MGAT4C: variants seen among roughly 807,000 people sequenced by gnomAD.
MGAT4C encodes the protein MGAT4 family member C.
A neutral mutation model predicts 40.1 loss-of-function variants in MGAT4C; 19 were observed. The observed-to-expected ratio is 0.47, with a 90% CI of 0.33 to 0.70. The LOEUF is 0.70. Among genes scored for constraint, MGAT4C ranks in the 30% least tolerant of loss-of-function variants. MGAT4C has a pLI of 0.02. For missense variants in MGAT4C, 491 were observed against 563.2 expected, an observed-to-expected ratio of 0.87 and a Z score of 1.30; for synonymous variants, 181 against 187.1, an observed-to-expected ratio of 0.97 and a Z score of 0.27.
intron 1 of MGAT4C, among the ~76,000 whole-genome samples, chr12:86,088,494 A>C (rs1430350942): frequency 6.6e-6 from 1 of 152,084 alleles, no homozygotes; most frequent in Non-Finnish European, 1.5e-5. Flanking sequence ...AAAGTCTAAT[A>C]TCTGGAATCT....
chr12:86,239,008 A>G (rs11829513), intron 1 of MGAT4C, among the ~76,000 whole-genome samples: 8,224 of 152,120 alleles, frequency 0.054, 753 homozygotes, highest in African/African-American at 0.19. Context: ...TTCTCCTTTT[A>G]TGATATTAAA....
At chr12:86,362,057 T>C (rs1352004100) in intron 3 of MGAT4C, among the ~76,000 whole-genome samples, 1 of 152,176 alleles carries the variant, frequency 6.6e-6, no homozygotes, top group Non-Finnish European at 1.5e-5. Context: ...TGTGGCACTA[T>C]TCACAATAGC....
intron 3 of MGAT4C, among the ~76,000 whole-genome samples, chr12:86,380,389 AC>A (rs1198167211): frequency 6.6e-6 from 1 of 152,132 alleles, no homozygotes. Flanking sequence ...TGAATTTGCC[AC>A]TTCGTGGTGT....
At chr12:86,642,553 G>A (rs998077042) in intron 2 of MGAT4C, among the ~76,000 whole-genome samples, 1 of 151,732 alleles carries the variant, frequency 6.6e-6, no homozygotes, top group African/African-American at 2.4e-5. Flanking sequence ...AGACTGAGAG[G>A]AGTTTGCAAA....
In MGAT4C at chr12:86,147,246, A is replaced by T. The variant is rs544132021; in HGVS notation, c.-56-97523T>A. Among the ~76,000 whole-genome samples, 513 of 148,186 alleles carry T rather than the reference A, an allele frequency of 3.5e-3. 3 individuals are homozygous for T. The highest frequency in any genetic ancestry group is 0.026 in the East Asian group (132 of 5,082). Reference sequence around the variant, plus strand: ...AAATAAGATAGCAGAAATTTATTAAATTTTTTTTTTTTTGAGACGTAGTCT... The same window carrying T: ...AAATAAGATAGCAGAAATTTATTAATTTTTTTTTTTTTTGAGACGTAGTCT... On this transcript the variant is annotated intron_variant, in intron 1 of 4. Transcript: ENST00000611864.
chr12:86,133,336 TTC>T (rs1418566643), intron 1 of MGAT4C, among the ~76,000 whole-genome samples: 1 of 152,362 alleles, frequency 6.6e-6, no homozygotes, highest in East Asian at 1.9e-4. Flanking sequence ...AGCACTTCAC[TTC>T]TTAAATGTCA....
intron 1 of MGAT4C, among the ~76,000 whole-genome samples, chr12:86,730,398 G>GAA (rs35322016): frequency 1.3e-5 from 2 of 151,748 alleles, no homozygotes; most frequent in East Asian, 1.9e-4. Flanking sequence ...AGGCACAGAA[G>GAA]AAAAAACATG....
At position 85,980,303 on chromosome 12, in the gene MGAT4C, T is replaced by C; in HGVS notation, c.423A>G (p.Leu141=). 6.2e-7 allele frequency: 1 copy of C among 1,613,996 alleles called. No homozygotes were observed. Among genetic ancestry groups the C allele is most frequent in the East Asian group, 2.2e-5 (1 of 44,870 alleles). ...CACGCCAGGAAGAATTAAAGTCTGC[T>C]AGGTGAACCACCACTGAAATTTCCT... The part of the protein sequence containing the change: ...ELKEISVVVH[L]ADFNSSWRDA... Residue 141 remains leucine (L), a synonymous_variant, in exon 5 of 5, where the codon CTA becomes CTG. Coordinates refer to ENST00000611864, the MANE Select transcript of MGAT4C (RefSeq NM_001351288.2).
rs566241713 is a variant in MGAT4C, at chr12:85,963,962, C to T, written c.*15327G>A. The T allele has an allele frequency of 6.6e-6, 1 of 151,828 alleles. No homozygotes were observed. The highest frequency in any genetic ancestry group is 2.1e-4 in the South Asian group (1 of 4,824). The allele number at this position is 151,828 out of a possible 1,614,324, so 9.4% of individuals were successfully genotyped here. ...AAATCATATTGGGTAAATAGTATCA[C>T]CCCAAAGTGATAGTCAAAAGTACCT... On this transcript the variant is annotated 3_prime_UTR_variant, in exon 5 of 5. Coordinates refer to ENST00000611864, the MANE Select transcript of MGAT4C (RefSeq NM_001351288.2).
chr12:86,357,219 G>A (rs1354111533), intron 3 of MGAT4C, among the ~76,000 whole-genome samples: 1 of 152,214 alleles, frequency 6.6e-6, no homozygotes, highest in East Asian at 1.9e-4. Context: ...AGGATCTGGA[G>A]TGGACCTCCA....
At chr12:86,784,945 A>G (rs1951907126) in intron 1 of MGAT4C, among the ~76,000 whole-genome samples, 1 of 152,028 alleles carries the variant, frequency 6.6e-6, no homozygotes, top group African/African-American at 2.4e-5. Flanking sequence ...TATCAGTTTC[A>G]TATCAGTAAT....
chr12:86,491,703 A>T (rs1424002217), intron 2 of MGAT4C, among the ~76,000 whole-genome samples: 1 of 151,222 alleles, frequency 6.6e-6, no homozygotes, highest in African/African-American at 2.4e-5. Flanking sequence ...TGAATGGGCA[A>T]AAACTGGAAG....
chr12:85,997,405 C>T (rs10863137), intron 2 of MGAT4C, among the ~76,000 whole-genome samples: 15,100 of 152,114 alleles, frequency 0.099, 993 homozygotes, highest in East Asian at 0.31. Context: ...AAAACAATCT[C>T]GCCTTCCCAA....
chr12:86,476,253 A>C (rs1037784640), intron 2 of MGAT4C, among the ~76,000 whole-genome samples: 1 of 152,150 alleles, frequency 6.6e-6, no homozygotes, highest in Non-Finnish European at 1.5e-5. Flanking sequence ...GCAAAATACA[A>C]ATAACCCCAT....
At chr12:86,660,090 C>A (rs750694510) in intron 2 of MGAT4C, among the ~76,000 whole-genome samples, 65 of 151,986 alleles carry the variant, frequency 4.3e-4, no homozygotes, top group Non-Finnish European at 7.8e-4. Flanking sequence ...ACAGATCAGA[C>A]AATGCATTAT....
chr12:86,782,326 C>T (rs927323197), intron 1 of MGAT4C, among the ~76,000 whole-genome samples: 3 of 150,872 alleles, frequency 2.0e-5, no homozygotes, highest in Admixed American at 6.6e-5. Context: ...GGACTACAGG[C>T]GCCCGCCACT....
In MGAT4C at chr12:86,576,182, AT is replaced by A; in HGVS notation, c.-228-140918del. ...GTATGTTTTTTGATTGGATTATTAG[AT>A]TTTTTTCCTCTAAATTTGTTTGAGC... On this transcript the variant is annotated intron_variant, in intron 2 of 7. Coordinates refer to the MGAT4C transcript ENST00000548651. 2.6e-5 allele frequency among the ~76,000 whole-genome samples: 4 copies of A among 151,694 alleles called. No homozygotes were observed. The South Asian group carries it at 8.3e-4, about 31-fold the overall frequency.
chr12:86,467,483 A>G (rs1957698389), intron 2 of MGAT4C, among the ~76,000 whole-genome samples: 2 of 152,168 alleles, frequency 1.3e-5, no homozygotes, highest in South Asian at 4.1e-4. Flanking sequence ...GGGCCTTTGT[A>G]ATAGCATCCA....
intron 1 of MGAT4C, among the ~76,000 whole-genome samples, chr12:86,769,739 A>T (rs1951593304): frequency 6.6e-6 from 1 of 152,068 alleles, no homozygotes; most frequent in African/African-American, 2.4e-5. Flanking sequence ...ATTGGAAATC[A>T]TCATTCTCAG....
Sources: gnomAD v4.1 joint callset for allele counts (sites outside exome capture counted in the v4.1 genomes callset) on GRCh38, gnomAD v4.1.1 for gene constraint, MANE v1.5 for transcripts, NCBI Gene and HGNC (gene_info 2026-07-23, HGNC 2026-07-21) for gene names.